OPN5: variants seen among roughly 807,000 people sequenced by gnomAD.
OPN5 encodes the protein opsin 5.
In OPN5, 18 loss-of-function variants were observed where a neutral mutation model predicts 41.7. The ratio of observed to expected loss-of-function variants is 0.43; its 90% confidence interval spans 0.30 to 0.64. The LOEUF (loss-of-function observed/expected upper bound fraction) is 0.64, where lower values mean the gene tolerates loss of function less well. Ranked by LOEUF, OPN5 falls within the 30% of genes least tolerant of loss-of-function variation. The probability of loss-of-function intolerance (pLI) is 0.13; values close to 1 mark genes in which losing one functional copy is unlikely to be tolerated. For missense variants in OPN5, 318 were observed against 434.5 expected (o/e 0.73, Z 2.38); for synonymous variants, 178 against 164.3 (o/e 1.08, Z -0.64).
exon 7 of OPN5, chr6:47,824,315 G>C: frequency 2.7e-6 from 1 of 374,188 alleles, no homozygotes; most frequent in Non-Finnish European, 4.9e-6. Context: ...GCTTGTGAAA[G>C]CTGGCCTGAA....
At chr6:47,812,254 A>T (rs1027143651) in intron 6 of OPN5, among the ~76,000 whole-genome samples, 2 of 152,112 alleles carry the variant, frequency 1.3e-5, no homozygotes, top group African/African-American at 4.8e-5. Context: ...CCTCTGGGGA[A>T]ATCAGTTTTG....
chr6:47,812,031 G>A (rs1469607415), intron 6 of OPN5: 2 of 231,550 alleles, frequency 8.6e-6, no homozygotes, highest in Non-Finnish European at 8.4e-6. Context: ...GAAAAATGTT[G>A]AGAAGTTTTA....
At chr6:47,785,246 G>C (rs1388915428) in intron 1 of OPN5, among the ~76,000 whole-genome samples, 2 of 152,140 alleles carry the variant, frequency 1.3e-5, no homozygotes, top group Non-Finnish European at 2.9e-5. Flanking sequence ...TGCTTTCCTA[G>C]CTGGTTTCCT....
chr6:47,791,098 C>G (rs1773356463), intron 2 of OPN5, among the ~76,000 whole-genome samples: 1 of 152,080 alleles, frequency 6.6e-6, no homozygotes, highest in South Asian at 2.1e-4. Context: ...CTTTCTCCAT[C>G]TCTTCTTTCC....
At chr6:47,811,707 T>C in exon 6 of OPN5, 1 of 1,612,812 alleles carries the variant, frequency 6.2e-7, no homozygotes. Flanking sequence ...GGAAGTCTTC[T>C]GCTGTGCTGG....
chr6:47,801,735 T>C (rs1054291479), intron 4 of OPN5, among the ~76,000 whole-genome samples: 1 of 152,306 alleles, frequency 6.6e-6, no homozygotes, highest in Admixed American at 6.5e-5. Flanking sequence ...TTCATACCTA[T>C]TTTGGGGATT....
intron 3 of OPN5, chr6:47,794,790 T>C (rs916815717): frequency 1.2e-5 from 2 of 160,598 alleles, no homozygotes; most frequent in African/African-American, 4.8e-5. Flanking sequence ...GGAAGCCAGA[T>C]AAGACTAGCA....
intron 6 of OPN5, among the ~76,000 whole-genome samples, chr6:47,823,222 T>C (rs1420282000): frequency 1.3e-5 from 2 of 152,178 alleles, no homozygotes; most frequent in African/African-American, 4.8e-5. Context: ...GTTGGAGAGA[T>C]AGTTTGGCTT....
intron 4 of OPN5, among the ~76,000 whole-genome samples, chr6:47,796,993 G>A (rs1167201493): frequency 1.3e-5 from 2 of 152,250 alleles, no homozygotes; most frequent in Non-Finnish European, 1.5e-5. Flanking sequence ...CATGTGCAGG[G>A]GAACTCCCTT....
Position 47,791,810 on chromosome 6 carries a change from A to T in OPN5, c.259A>T (p.Lys87Ter), listed in dbSNP as rs1450132384. ...GTCACTTGGTGCTCTAGTTGTAGGC[A>T]AGCCGTTCACCATCATCTCTTGCTT... The change falls in exon 3 of 7, where the codon AAG becomes TAG. Residue 87 changes from lysine to a stop codon, truncating the protein, a stop_gained. Transcript: ENST00000371211. LOFTEE classifies it high-confidence loss of function. 1 of 1,613,908 alleles carries T rather than the reference A, an allele frequency of 6.2e-7. No homozygotes were observed. Among genetic ancestry groups the T allele is most frequent in the Non-Finnish European group, 8.5e-7 (1 of 1,179,942 alleles).
At position 47,805,876 on chromosome 6, in the gene OPN5, G is replaced by C. The variant is rs540069709; in HGVS notation, c.757-2278G>C. Reference sequence around the variant, plus strand: ...AAGTTGGGGACGGGAGTAAAAGGAAGTGATACCTGGCATAGCTCCATCCTT... The same window carrying C: ...AAGTTGGGGACGGGAGTAAAAGGAACTGATACCTGGCATAGCTCCATCCTT... On this transcript the variant is annotated intron_variant, in intron 4 of 6. Transcript: ENST00000371211. Among the ~76,000 whole-genome samples, 80 of 152,294 alleles carry C rather than the reference G, an allele frequency of 5.3e-4. 1 individual carries two copies. In the South Asian group the frequency reaches 0.016, roughly 30 times the overall value.
intron 4 of OPN5, among the ~76,000 whole-genome samples, chr6:47,797,885 T>C (rs1047012237): frequency 1.3e-5 from 2 of 152,184 alleles, no homozygotes; most frequent in Non-Finnish European, 2.9e-5. Context: ...CATTCTAGCA[T>C]CTTGTCCTCT....
chr6:47,818,545 T>A (rs1454558688), intron 6 of OPN5, among the ~76,000 whole-genome samples: 1 of 152,170 alleles, frequency 6.6e-6, no homozygotes, highest in African/African-American at 2.4e-5. Flanking sequence ...AGGGCATTCA[T>A]CCATAGGATA....
At chr6:47,787,339 TA>T (rs1207490751) in intron 2 of OPN5, 3 of 177,596 alleles carry the variant, frequency 1.7e-5, no homozygotes, top group African/African-American at 7.1e-5. Context: ...ACTTCTCTAA[TA>T]ACATGGCAAG....
intron 4 of OPN5, among the ~76,000 whole-genome samples, chr6:47,800,672 G>A (rs1773737172): frequency 6.6e-6 from 1 of 152,124 alleles, no homozygotes; most frequent in Non-Finnish European, 1.5e-5. Context: ...TGAATTTGGG[G>A]AAAGGCCTGT....
chr6:47,799,242 T>C (rs943061013), intron 4 of OPN5, among the ~76,000 whole-genome samples: 5 of 151,248 alleles, frequency 3.3e-5, no homozygotes, highest in African/African-American at 1.2e-4. Context: ...ATGATATACA[T>C]GATATACATG....
At chr6:47,807,274 C>T (rs1774007592) in intron 4 of OPN5, among the ~76,000 whole-genome samples, 1 of 152,172 alleles carries the variant, frequency 6.6e-6, no homozygotes, top group Non-Finnish European at 1.5e-5. Flanking sequence ...GGATACAACT[C>T]AGGCTCTAGG....
chr6:47,820,846 T>C (rs748440997), intron 6 of OPN5, among the ~76,000 whole-genome samples: 3 of 152,194 alleles, frequency 2.0e-5, no homozygotes, highest in Non-Finnish European at 4.4e-5. Flanking sequence ...CCTATAACTT[T>C]GGACTCTCCC....
intron 3 of OPN5, among the ~76,000 whole-genome samples, chr6:47,792,545 A>G (rs530346134): frequency 6.6e-6 from 1 of 152,358 alleles, no homozygotes; most frequent in Admixed American, 6.5e-5. Context: ...GAATTGGTGA[A>G]TCAGCAGAAA....
Sources: gnomAD v4.1 joint callset for allele counts (sites outside exome capture counted in the v4.1 genomes callset) on GRCh38, gnomAD v4.1.1 for gene constraint, MANE v1.5 for transcripts, NCBI Gene and HGNC (gene_info 2026-07-23, HGNC 2026-07-21) for gene names.